Variants in EYS observed in about 807,000 individuals in gnomAD.
The protein encoded by EYS is protein eyes shut homolog.
In EYS, 250 loss-of-function variants were observed where a neutral mutation model predicts 282.1. The observed-to-expected ratio is 0.89, with a 90% confidence interval of 0.80 to 0.98. The LOEUF (loss-of-function observed/expected upper bound fraction) is 0.98, where lower values mean the gene tolerates loss of function less well. EYS is among the 50% of genes least tolerant of loss of function. The probability of loss-of-function intolerance (pLI) is 0.00; values close to 1 mark genes in which losing one functional copy is unlikely to be tolerated. For synonymous variants in EYS, 1,355 were observed against 1,282.9 expected, an observed-to-expected ratio of 1.06 and a Z score of -1.20; for missense variants, 4,016 against 3,709.0, an observed-to-expected ratio of 1.08 and a Z score of -2.15.
rs566979990 is a variant in EYS, at chr6:64,412,975, G to C, written c.5927+23199C>G. ...GCCGAATTTATGATGCATGCCTGTG[G>C]AGGAGGATACTAGTAGAAGAGAGCC... On this transcript the variant is annotated intron_variant, in intron 28 of 42. Transcript: ENST00000503581. Among the ~76,000 whole-genome samples, 14 of 152,224 alleles carry C rather than the reference G, an allele frequency of 9.2e-5. No homozygotes were observed. The South Asian group carries it at 2.9e-3, about 32-fold the overall frequency.
chr6:64,051,894 A>G (rs1249477613), intron 33 of EYS, among the ~76,000 whole-genome samples: 1 of 152,102 alleles, frequency 6.6e-6, no homozygotes, highest in African/African-American at 2.4e-5. Context: ...TATGTCACCT[A>G]TAATAATAGA....
At chr6:65,212,041 A>G (rs984384247) in intron 12 of EYS, among the ~76,000 whole-genome samples, 4 of 152,014 alleles carry the variant, frequency 2.6e-5, no homozygotes, top group South Asian at 4.1e-4. Flanking sequence ...TGAAGCAAGG[A>G]AAACAAAACA....
intron 30 of EYS, among the ~76,000 whole-genome samples, chr6:64,290,734 G>A (rs1230020639): frequency 1.3e-5 from 2 of 151,768 alleles, no homozygotes; most frequent in African/African-American, 2.4e-5. Context: ...TGTATCATAT[G>A]TTCGAGTCGT....
At chr6:64,144,023 T>C (rs1160101177) in intron 31 of EYS, among the ~76,000 whole-genome samples, 1 of 152,136 alleles carries the variant, frequency 6.6e-6, no homozygotes, top group Non-Finnish European at 1.5e-5. Flanking sequence ...TTCAGAAGTG[T>C]GTTAGACTTA....
At chr6:63,721,844 C>T in intron 42 of EYS, 47 bp from the exon 43 acceptor site, 1 of 1,485,838 alleles carries the variant, frequency 6.7e-7, no homozygotes, top group Non-Finnish European at 8.9e-7. Context: ...GTAAAAGTTT[C>T]CATTGAAAAC....
chr6:64,669,841 T>C (rs1769381469), intron 22 of EYS, among the ~76,000 whole-genome samples: 1 of 152,218 alleles, frequency 6.6e-6, no homozygotes, highest in Non-Finnish European at 1.5e-5. Context: ...CAAAATGTTC[T>C]TAACCTTGTG....
intron 14 of EYS, among the ~76,000 whole-genome samples, chr6:64,986,670 A>T (rs1422347827): frequency 6.6e-6 from 1 of 150,838 alleles, no homozygotes; most frequent in Non-Finnish European, 1.5e-5. Context: ...GGGCCAAATT[A>T]CAGTTAGACT....
chr6:65,440,398 C>T (rs1318815931), intron 5 of EYS, among the ~76,000 whole-genome samples: 1 of 151,248 alleles, frequency 6.6e-6, no homozygotes, highest in Non-Finnish European at 1.5e-5. Context: ...AAATTAAAAC[C>T]CCAAAAACAA....
chr6:64,822,890 T>C, intron 19 of EYS, 68 bp from the exon 20 acceptor site: 1 of 1,316,858 alleles, frequency 7.6e-7, no homozygotes, highest in Non-Finnish European at 1.0e-6. Context: ...GTTTGTTCAT[T>C]ATGGTAAACA....
chr6:65,565,503 GTA>G (rs1769246191), intron 2 of EYS, among the ~76,000 whole-genome samples: 1 of 152,044 alleles, frequency 6.6e-6, no homozygotes, highest in Non-Finnish European at 1.5e-5. Flanking sequence ...GTTGGTGGGA[GTA>G]TAAATTAGTG....
chr6:65,443,009 C>T (rs991618180), intron 5 of EYS, among the ~76,000 whole-genome samples: 1 of 104,278 alleles, frequency 9.6e-6, no homozygotes, highest in Non-Finnish European at 2.4e-5. Flanking sequence ...TATATGTACA[C>T]ATATCTGTAA....
chr6:64,874,869 T>C (rs1766696687), intron 19 of EYS, among the ~76,000 whole-genome samples: 1 of 151,994 alleles, frequency 6.6e-6, no homozygotes, highest in South Asian at 2.1e-4. Flanking sequence ...TCACATCGTG[T>C]ATGAAAAGAT....
Position 64,264,158 on chromosome 6 carries a change from A to G in EYS, c.6192-33334T>C, listed in dbSNP as rs1431681195. Among the ~76,000 whole-genome samples the G allele has an allele frequency of 2.0e-5, 3 of 152,172 alleles. No individual in the cohort carries two copies. The East Asian group carries it at 5.8e-4, about 29-fold the overall frequency. On this transcript the variant is annotated intron_variant, in intron 30 of 42. Transcript: ENST00000503581. Reference sequence around the variant, plus strand: ...GTAATGGGAAGGCTGCTTAGTTTTCAGGTTCAAATAGAAACTTAGGACCAT... The same window carrying G: ...GTAATGGGAAGGCTGCTTAGTTTTCGGGTTCAAATAGAAACTTAGGACCAT...
At chr6:64,296,582 ATACATATATATATATATTTTTT>A in intron 30 of EYS, among the ~76,000 whole-genome samples, 1 of 5,986 alleles carries the variant, frequency 1.7e-4, no homozygotes, top group South Asian at 7.0e-3. Context: ...ATATATATAT[ATACATATATATATATATTTTTT>A]TTTTTTTTTT....
rs1008613984 is a variant in EYS at position 65,573,758 on chromosome 6, C to T, written c.-333+66020G>A. Among the ~76,000 whole-genome samples the T allele has an allele frequency of 3.3e-5, 5 of 152,120 alleles. No individual in the cohort carries two copies. In the East Asian group the frequency reaches 9.7e-4, roughly 30 times the overall value. On this transcript the variant is annotated intron_variant, in intron 2 of 42. Coordinates refer to ENST00000503581, the MANE Select transcript of EYS (RefSeq NM_001142800.2). ...TATATGCCCATGCTTTGAACATCAG[C>T]CCAGCTGTGATGAATACCTGTTTCT...
intron 22 of EYS, among the ~76,000 whole-genome samples, chr6:64,725,358 T>C (rs908205528): frequency 2.0e-5 from 3 of 152,060 alleles, no homozygotes; most frequent in African/African-American, 7.2e-5. Flanking sequence ...TACTTTCCTA[T>C]CGTGTTCTCC....
intron 2 of EYS, among the ~76,000 whole-genome samples, chr6:65,619,210 G>A (rs1300931861): frequency 6.6e-6 from 1 of 151,522 alleles, no homozygotes; most frequent in Non-Finnish European, 1.5e-5. Context: ...CCATTTGTTT[G>A]TATCCTCTTT....
At chr6:64,709,355 A>G (rs1035076488) in intron 22 of EYS, among the ~76,000 whole-genome samples, 2 of 152,204 alleles carry the variant, frequency 1.3e-5, no homozygotes, top group Admixed American at 6.5e-5. Flanking sequence ...GCTTAAAAAT[A>G]ACATTTGATG....
intron 19 of EYS, among the ~76,000 whole-genome samples, chr6:64,863,747 A>G (rs1766323789): frequency 6.6e-6 from 1 of 152,146 alleles, no homozygotes; most frequent in South Asian, 2.1e-4. Context: ...CATTTATCTC[A>G]TAGTTTTCCA....
Sources: gnomAD v4.1 joint callset for allele counts (sites outside exome capture counted in the v4.1 genomes callset) on GRCh38, gnomAD v4.1.1 for gene constraint, MANE v1.5 for transcripts, NCBI Gene and HGNC (gene_info 2026-07-23, HGNC 2026-07-21) for gene names.